Variants in LAMA2 observed in about 807,000 individuals in gnomAD.
LAMA2 encodes laminin subunit alpha-2.
A neutral mutation model predicts 364.8 loss-of-function variants in LAMA2; 269 were observed. That is an observed-to-expected ratio of 0.74 (90% CI 0.67 to 0.82). The LOEUF (loss-of-function observed/expected upper bound fraction) is 0.82. Among genes scored for constraint, LAMA2 ranks in the 40% least tolerant of loss-of-function variants. The pLI is 0.00. For missense variants in LAMA2, 3,807 were observed against 3,873.2 expected (o/e 0.98, Z 0.45); for synonymous variants, 1,379 against 1,370.6 (o/e 1.01, Z -0.14).
At chr6:129,399,037 T>C (rs1476330106) in intron 37 of LAMA2, among the ~76,000 whole-genome samples, 1 of 152,238 alleles carries the variant, frequency 6.6e-6, no homozygotes, top group Non-Finnish European at 1.5e-5. Context: ...CAATGTGTAG[T>C]TCAACAGGCT....
intron 53 of LAMA2, among the ~76,000 whole-genome samples, chr6:129,477,413 T>C (rs539402896): frequency 6.6e-6 from 1 of 152,302 alleles, no homozygotes; most frequent in Non-Finnish European, 1.5e-5. Flanking sequence ...GTTGAGCACT[T>C]ACTGTGTGCA....
chr6:129,386,406 C>T (rs1779019782), intron 35 of LAMA2, among the ~76,000 whole-genome samples: 2 of 151,574 alleles, frequency 1.3e-5, no homozygotes, highest in African/African-American at 4.8e-5. Context: ...GTGAAACAGA[C>T]TTCTATTAAA....
Position 129,057,304 on chromosome 6 carries a change from C to T in LAMA2, c.284-2480C>T, listed in dbSNP as rs9689333. Among the ~76,000 whole-genome samples the T allele has an allele frequency of 9.5e-3, 1,450 of 152,200 alleles. 29 individuals carry two copies. Among genetic ancestry groups the T allele is most frequent in the African/African-American group, 0.033 (1,389 of 41,516 alleles). On this transcript the variant is annotated intron_variant, in intron 2 of 64. Coordinates refer to ENST00000421865, the MANE Select transcript of LAMA2 (RefSeq NM_000426.4). ...AGGGTTCACATCCAAGATGTTCTCACTGGTCCGTGGCAAAGTAAGAAAATG... is the reference window on the plus strand; with the variant it reads ...AGGGTTCACATCCAAGATGTTCTCATTGGTCCGTGGCAAAGTAAGAAAATG...
At chr6:129,427,031 G>GC (rs1047044882) in intron 40 of LAMA2, among the ~76,000 whole-genome samples, 2 of 152,176 alleles carry the variant, frequency 1.3e-5, no homozygotes, top group African/African-American at 4.8e-5. Flanking sequence ...TTGCTGAGGA[G>GC]CAAACACTAT....
intron 31 of LAMA2, among the ~76,000 whole-genome samples, chr6:129,350,617 T>G (rs750421554): frequency 1.3e-5 from 2 of 152,194 alleles, no homozygotes; most frequent in Non-Finnish European, 2.9e-5. Context: ...TACCCTTGAT[T>G]AGAGCTTTTC....
chr6:129,307,293 A>T (rs376989128), intron 22 of LAMA2, among the ~76,000 whole-genome samples: 1 of 152,322 alleles, frequency 6.6e-6, no homozygotes, highest in Non-Finnish European at 1.5e-5. Flanking sequence ...TCTGGGCTGT[A>T]AGAATTTTTG....
chr6:129,516,372 G>A lies in LAMA2; in HGVS notation c.*25G>A, dbSNP rs757699316. ...ATAAAAATAAGTGTAACCCCAGGAA[G>A]AGTCTGTCAAAACAAGTATATCAAG... On this transcript the variant is annotated 3_prime_UTR_variant, in exon 65 of 65. Transcript: ENST00000421865. The A allele has an allele frequency of 8.1e-6, 13 of 1,610,800 alleles. No homozygotes were observed. The South Asian group carries it at 1.4e-4, about 18-fold the overall frequency.
intron 1 of LAMA2, among the ~76,000 whole-genome samples, chr6:128,925,171 C>T (rs911645162): frequency 1.3e-5 from 2 of 152,026 alleles, no homozygotes; most frequent in African/African-American, 4.8e-5. Context: ...TGGGAATATG[C>T]CCCAAATAAT....
Position 129,329,467 on chromosome 6 carries a change from T to A in LAMA2, c.4311+1055T>A, listed in dbSNP as rs1263735557. ...ACCTCCGACTCCCGGGTTCAAGTGATTCTCATGCCTCAGCCTCCTGAGTAG... is the reference window on the plus strand; with the variant it reads ...ACCTCCGACTCCCGGGTTCAAGTGAATCTCATGCCTCAGCCTCCTGAGTAG... On this transcript the variant is annotated intron_variant, in intron 29 of 64. Transcript: ENST00000421865. Among the ~76,000 whole-genome samples the A allele has an allele frequency of 2.0e-5, 3 of 152,226 alleles. No individual in the cohort carries two copies. In the East Asian group the frequency reaches 5.8e-4, roughly 29 times the overall value.
intron 22 of LAMA2, among the ~76,000 whole-genome samples, chr6:129,301,715 A>C (rs967290005): frequency 3.3e-5 from 5 of 152,182 alleles, no homozygotes; most frequent in Admixed American, 6.5e-5. Context: ...TATTAATAAA[A>C]TAAAATTCAC....
In LAMA2 at chr6:129,211,951, G is replaced by A. The variant is rs111434045; in HGVS notation, c.1782+19098G>A. 8.7e-3 allele frequency among the ~76,000 whole-genome samples: 1,332 copies of A among 152,300 alleles called. 10 individuals carry two copies. Among genetic ancestry groups the A allele is most frequent in the South Asian group, 0.025 (119 of 4,824 alleles). Reference sequence around the variant, plus strand: ...TAATTCTTTGTTGAGTGAATAAAGGGATGCTTTTTGTGGACAGCAGTTATT... The same window carrying A: ...TAATTCTTTGTTGAGTGAATAAAGGAATGCTTTTTGTGGACAGCAGTTATT... On this transcript the variant is annotated intron_variant, in intron 12 of 64. Transcript: ENST00000421865.
chr6:128,979,374 G>C (rs1782730409), intron 1 of LAMA2, among the ~76,000 whole-genome samples: 1 of 151,998 alleles, frequency 6.6e-6, no homozygotes, highest in Non-Finnish European at 1.5e-5. Context: ...AAGCATCAGT[G>C]TACTTTAGAC....
intron 1 of LAMA2, among the ~76,000 whole-genome samples, chr6:128,927,042 A>G (rs1249214307): frequency 6.6e-6 from 1 of 152,224 alleles, no homozygotes; most frequent in Non-Finnish European, 1.5e-5. Flanking sequence ...GCTGCAGAAC[A>G]TAGAGATCTG....
intron 6 of LAMA2, among the ~76,000 whole-genome samples, chr6:129,147,523 G>C (rs13210076): frequency 6.6e-6 from 1 of 151,968 alleles, no homozygotes; most frequent in Admixed American, 6.6e-5. Context: ...GAGTGGGTGA[G>C]AGAGTCAAGA....
At chr6:129,057,507 G>A (rs542617442) in intron 2 of LAMA2, among the ~76,000 whole-genome samples, 1 of 152,186 alleles carries the variant, frequency 6.6e-6, no homozygotes, top group South Asian at 2.1e-4. Flanking sequence ...TTATTACTTG[G>A]AAAAACTAAG....
At chr6:128,979,590 G>A (rs759596138) in intron 1 of LAMA2, among the ~76,000 whole-genome samples, 5 of 152,218 alleles carry the variant, frequency 3.3e-5, no homozygotes, top group Non-Finnish European at 7.3e-5. Flanking sequence ...AGATCACTTG[G>A]TAGATGAACT....
At chr6:129,266,978 G>A (rs1009384831) in intron 15 of LAMA2, 128 bp from the exon 16 acceptor site, 2 of 759,760 alleles carry the variant, frequency 2.6e-6, no homozygotes, top group Admixed American at 3.4e-5. Context: ...TAATGGCAAT[G>A]CTTTGACAAG....
intron 1 of LAMA2, among the ~76,000 whole-genome samples, chr6:129,034,653 T>C (rs1171997764): frequency 6.6e-6 from 1 of 152,058 alleles, no homozygotes; most frequent in African/African-American, 2.4e-5. Context: ...TATTCCTGGG[T>C]GTCTATTATT....
intron 1 of LAMA2, among the ~76,000 whole-genome samples, chr6:128,958,140 T>C (rs1467406746): frequency 6.6e-6 from 1 of 152,086 alleles, no homozygotes; most frequent in Non-Finnish European, 1.5e-5. Flanking sequence ...AAATAAGTAA[T>C]CTAATGAATC....
Sources: gnomAD v4.1 joint callset for allele counts (sites outside exome capture counted in the v4.1 genomes callset) on GRCh38, gnomAD v4.1.1 for gene constraint, MANE v1.5 for transcripts, NCBI Gene and HGNC (gene_info 2026-07-23, HGNC 2026-07-21) for gene names.